The following AGBL4 variants were observed in gnomAD, a reference collection of about 807,000 sequenced individuals.
The protein encoded by AGBL4 is AGBL carboxypeptidase 4, also known as cytosolic carboxypeptidase 6.
Under a neutral mutation model 66.4 loss-of-function variants are expected in AGBL4, and 58 were observed. The observed-to-expected ratio is 0.87, with a 90% CI of 0.71 to 1.09. The LOEUF is 1.09. AGBL4 is among the 50% of genes least tolerant of loss of function. The probability of loss-of-function intolerance (pLI) is 0.00; values close to 1 mark genes in which losing one functional copy is unlikely to be tolerated. For missense variants in AGBL4, 579 were observed against 631.0 expected (o/e 0.92, Z 0.88); for synonymous variants, 234 against 222.9 (o/e 1.05, Z -0.44).
chr1:49,020,139 G>A (rs757163547), intron 5 of AGBL4, among the ~76,000 whole-genome samples: 30 of 152,126 alleles, frequency 2.0e-4, no homozygotes, highest in Non-Finnish European at 3.8e-4. Context: ...GGATTCAAAT[G>A]CGATCTGTCT....
chr1:48,536,646 C>T (rs1416490604), intron 12 of AGBL4, among the ~76,000 whole-genome samples: 1 of 152,192 alleles, frequency 6.6e-6, no homozygotes, highest in African/African-American at 2.4e-5. Context: ...CCCCGTTACA[C>T]ACACATACAC....
At chr1:48,809,336 T>C (rs552765736) in intron 6 of AGBL4, among the ~76,000 whole-genome samples, 63 of 152,204 alleles carry the variant, frequency 4.1e-4, no homozygotes, top group Non-Finnish European at 7.6e-4. Context: ...TGTGATAGTA[T>C]TTCTTGTTCT....
chr1:49,405,679 C>T (rs2148618554), intron 3 of AGBL4, among the ~76,000 whole-genome samples: 1 of 152,316 alleles, frequency 6.6e-6, no homozygotes, highest in East Asian at 1.9e-4. Context: ...CAAGGAGATT[C>T]TCTATCTAAA....
At chr1:49,317,962 T>C (rs1645068706) in intron 3 of AGBL4, among the ~76,000 whole-genome samples, 1 of 152,074 alleles carries the variant, frequency 6.6e-6, no homozygotes, top group Non-Finnish European at 1.5e-5. Flanking sequence ...AATTATTTAT[T>C]GTTTTAAATT....
At chr1:49,156,744 TA>T (rs1454439415) in intron 4 of AGBL4, among the ~76,000 whole-genome samples, 1 of 152,192 alleles carries the variant, frequency 6.6e-6, no homozygotes, top group Non-Finnish European at 1.5e-5. Flanking sequence ...TCGATTAATA[TA>T]ACCTTATCAT....
At chr1:49,036,788 T>C (rs1159847631) in intron 5 of AGBL4, among the ~76,000 whole-genome samples, 1 of 151,594 alleles carries the variant, frequency 6.6e-6, no homozygotes, top group East Asian at 2.0e-4. Flanking sequence ...TCTTGAACTC[T>C]TGGCCTCAAG....
chr1:49,104,979 T>A (rs1645267124), intron 4 of AGBL4, among the ~76,000 whole-genome samples: 1 of 152,220 alleles, frequency 6.6e-6, no homozygotes, highest in Non-Finnish European at 1.5e-5. Context: ...GCAATCTGAA[T>A]TTCAATCTCT....
At chr1:48,671,759 C>A (rs1299201003) in intron 6 of AGBL4, among the ~76,000 whole-genome samples, 1 of 152,202 alleles carries the variant, frequency 6.6e-6, no homozygotes, top group African/African-American at 2.4e-5. Flanking sequence ...AAAGCCACAA[C>A]TTTGCCTCTT....
At chr1:49,981,023 G>A (rs1048447480) in intron 1 of AGBL4, among the ~76,000 whole-genome samples, 1 of 152,176 alleles carries the variant, frequency 6.6e-6, no homozygotes, top group Non-Finnish European at 1.5e-5. Flanking sequence ...CTTTAATTGA[G>A]TATTACATAA....
intron 1 of AGBL4, among the ~76,000 whole-genome samples, chr1:49,941,232 C>G (rs369973798): frequency 2.3e-4 from 35 of 152,136 alleles, no homozygotes; most frequent in African/African-American, 8.0e-4. Context: ...CAGATTACTT[C>G]ACTGGTGAAT....
intron 4 of AGBL4, among the ~76,000 whole-genome samples, chr1:49,074,610 A>G (rs1044513106): frequency 7.2e-5 from 11 of 152,182 alleles, no homozygotes; most frequent in Non-Finnish European, 1.3e-4. Context: ...TTGGGACATA[A>G]TAATTATGAG....
At chr1:49,394,334 A>G (rs1201010283) in intron 3 of AGBL4, among the ~76,000 whole-genome samples, 1 of 151,904 alleles carries the variant, frequency 6.6e-6, no homozygotes, top group Non-Finnish European at 1.5e-5. Flanking sequence ...ATTCTGGCCC[A>G]AGCTGAAGAG....
chr1:49,712,057 A>G (rs1647711741), intron 2 of AGBL4, among the ~76,000 whole-genome samples: 1 of 152,008 alleles, frequency 6.6e-6, no homozygotes. Context: ...TTATATAAAT[A>G]GCTAGAAGAG....
chr1:48,672,682 G>A (rs1200815248), intron 6 of AGBL4, among the ~76,000 whole-genome samples: 3 of 152,190 alleles, frequency 2.0e-5, no homozygotes, highest in Non-Finnish European at 4.4e-5. Context: ...AAAACGAGCT[G>A]TTGGAGTCAT....
At chr1:48,609,293 G>T (rs144440450) in intron 9 of AGBL4, among the ~76,000 whole-genome samples, 10 of 152,274 alleles carry the variant, frequency 6.6e-5, no homozygotes, top group African/African-American at 2.2e-4. Context: ...AAGCCTGAAG[G>T]ATAATGCTCT....
intron 1 of AGBL4, 76 bp from the exon 2 acceptor site, chr1:49,851,594 C>T: frequency 1.4e-6 from 2 of 1,437,456 alleles, no homozygotes; most frequent in Non-Finnish European, 1.9e-6. Context: ...CTGTTAATTA[C>T]CCCTTCCCTA....
intron 3 of AGBL4, among the ~76,000 whole-genome samples, chr1:49,678,763 T>G (rs2124552196): frequency 6.6e-6 from 1 of 152,224 alleles, no homozygotes; most frequent in East Asian, 1.9e-4. Context: ...GTTTGAAGAT[T>G]TATTTTTATT....
chr1:48,956,630 A>G (rs1377294429), intron 5 of AGBL4, among the ~76,000 whole-genome samples: 1 of 152,222 alleles, frequency 6.6e-6, no homozygotes, highest in Non-Finnish European at 1.5e-5. Flanking sequence ...AGGAAAGTAG[A>G]TTGAGAGATT....
intron 11 of AGBL4, among the ~76,000 whole-genome samples, chr1:48,580,684 C>G (rs1047305251): frequency 6.6e-6 from 1 of 152,184 alleles, no homozygotes; most frequent in African/African-American, 2.4e-5. Context: ...CTCTATCTAT[C>G]TATCTATAAA....
Sources: gnomAD v4.1 joint callset for allele counts (sites outside exome capture counted in the v4.1 genomes callset) on GRCh38, gnomAD v4.1.1 for gene constraint, MANE v1.5 for transcripts, NCBI Gene and HGNC (gene_info 2026-07-23, HGNC 2026-07-21) for gene names.